The following CNTN5 variants were observed in gnomAD, a reference collection of about 807,000 sequenced individuals.
CNTN5 encodes contactin 5, also known as contactin-5.
Under a neutral mutation model 129.1 loss-of-function variants are expected in CNTN5, and 77 were observed. That is an observed-to-expected ratio of 0.60 (90% confidence interval 0.50 to 0.72). The LOEUF (loss-of-function observed/expected upper bound fraction) is 0.72, where lower values mean the gene tolerates loss of function less well. CNTN5 is among the 30% of genes least tolerant of loss of function. CNTN5 has a pLI of 0.00. For missense variants in CNTN5, 1,478 were observed against 1,328.8 expected, an observed-to-expected ratio of 1.11 and a Z score of -1.75; for synonymous variants, 509 against 465.6, an observed-to-expected ratio of 1.09 and a Z score of -1.20.
At chr11:99,599,190 T>C (rs893466043) in intron 3 of CNTN5, among the ~76,000 whole-genome samples, 5 of 152,080 alleles carry the variant, frequency 3.3e-5, no homozygotes, top group African/African-American at 1.2e-4. Context: ...TGTTTTTTTT[T>C]TAACATAAAA....
At chr11:99,273,011 A>G (rs1863246913) in intron 1 of CNTN5, among the ~76,000 whole-genome samples, 1 of 151,860 alleles carries the variant, frequency 6.6e-6, no homozygotes. Flanking sequence ...AAGCCTGTCT[A>G]AACAATTTTT....
At chr11:100,146,086 C>T (rs533036711) in intron 13 of CNTN5, among the ~76,000 whole-genome samples, 10 of 151,968 alleles carry the variant, frequency 6.6e-5, no homozygotes, top group Admixed American at 1.3e-4. Flanking sequence ...TAGTAAATAC[C>T]GCTGTATAAA....
At chr11:99,278,315 T>C (rs1158682292) in intron 1 of CNTN5, among the ~76,000 whole-genome samples, 1 of 151,666 alleles carries the variant, frequency 6.6e-6, no homozygotes, top group Admixed American at 6.6e-5. Context: ...TTAACAGATG[T>C]AGTCATGAGG....
chr11:100,297,573 A>G, intron 18 of CNTN5, 52 bp from the exon 19 acceptor site: 10 of 1,251,958 alleles, frequency 8.0e-6, no homozygotes, highest in East Asian at 2.6e-5. Flanking sequence ...ATTTTATCCA[A>G]CGTAGGTTGG....
At chr11:100,350,550 C>T (rs904561700) in intron 23 of CNTN5, among the ~76,000 whole-genome samples, 152 bp from the exon 24 acceptor site, 1 of 151,734 alleles carries the variant, frequency 6.6e-6, no homozygotes, top group Non-Finnish European at 1.5e-5. Flanking sequence ...TGTACTTCTA[C>T]TGCAGTAGAC....
intron 2 of CNTN5, among the ~76,000 whole-genome samples, chr11:99,437,525 A>G (rs1943647204): frequency 6.6e-6 from 1 of 152,194 alleles, no homozygotes; most frequent in African/African-American, 2.4e-5. Flanking sequence ...GTCATAAAAT[A>G]TATTAAAAGT....
Position 99,844,891 on chromosome 11 carries a change from A to G in CNTN5, c.317A>G (p.Asp106Gly), listed in dbSNP as rs202069039. 2.9e-5 allele frequency: 47 copies of G among 1,613,614 alleles called. No individual in the cohort carries two copies. The South Asian group carries it at 3.0e-4, about 10-fold the overall frequency. The change falls in exon 5 of 25, where the codon GAT (aspartate) becomes GGT (glycine). Residue 106 changes from aspartate to glycine, a missense_variant. By Grantham distance (94) the Asp-to-Gly change is moderately conservative. Transcript: ENST00000524871. The stretch of plus-strand genomic sequence containing the variant: ...GGGCCAGTTTTTGTGCAAGAACCAG[A>G]TGATATTATTTTTCCAACTGATTCT... The part of the protein sequence containing the change: ...DYGPVFVQEP[D>G]DIIFPTDSDE...
chr11:99,745,843 T>C (rs183598546), intron 3 of CNTN5, among the ~76,000 whole-genome samples: 2 of 152,140 alleles, frequency 1.3e-5, no homozygotes, highest in East Asian at 3.9e-4. Context: ...TTATAAATAG[T>C]AAGGAAGACA....
Position 99,832,524 on chromosome 11 carries a change from A to G in CNTN5, c.278-12328A>G, listed in dbSNP as rs141550809. Reference sequence around the variant, plus strand: ...GCTTGTTAATAAATCGTTCTCTTCAATTCTTAGAAATCCTTGAAGGTTTTA... The same window carrying G: ...GCTTGTTAATAAATCGTTCTCTTCAGTTCTTAGAAATCCTTGAAGGTTTTA... On this transcript the variant is annotated intron_variant, in intron 4 of 24. Coordinates refer to ENST00000524871, the MANE Select transcript of CNTN5 (RefSeq NM_014361.4). 4.6e-5 allele frequency among the ~76,000 whole-genome samples: 7 copies of G among 152,330 alleles called. No homozygotes were observed. The East Asian group carries it at 1.3e-3, about 29-fold the overall frequency.
chr11:99,433,250 G>T (rs187179783), intron 2 of CNTN5, among the ~76,000 whole-genome samples: 1 of 152,092 alleles, frequency 6.6e-6, no homozygotes, highest in East Asian at 1.9e-4. Flanking sequence ...TTAGAAGAAG[G>T]GAAGGTTTAG....
intron 4 of CNTN5, among the ~76,000 whole-genome samples, chr11:99,832,647 T>G (rs1436460356): frequency 6.6e-6 from 1 of 152,216 alleles, no homozygotes; most frequent in Non-Finnish European, 1.5e-5. Flanking sequence ...AGAATTCATC[T>G]AAGATACTTG....
At chr11:99,626,940 C>A (rs1304044632) in intron 3 of CNTN5, among the ~76,000 whole-genome samples, 5 of 152,010 alleles carry the variant, frequency 3.3e-5, no homozygotes, top group Admixed American at 1.3e-4. Context: ...AATTAAAGTA[C>A]CATTTCTCTG....
At chr11:99,363,729 TAGGAAAAC>T (rs1389417279) in intron 2 of CNTN5, among the ~76,000 whole-genome samples, 1 of 152,070 alleles carries the variant, frequency 6.6e-6, no homozygotes, top group Non-Finnish European at 1.5e-5. Flanking sequence ...ATCAGTAGGG[TAGGAAAAC>T]AGGACAGTGA....
chr11:99,507,018 AG>A (rs1210806374), intron 2 of CNTN5, among the ~76,000 whole-genome samples: 1 of 152,198 alleles, frequency 6.6e-6, no homozygotes, highest in Non-Finnish European at 1.5e-5. Context: ...AATGTTTTTC[AG>A]ATGTTTTAGT....
At chr11:99,709,237 G>C (rs1341568029) in intron 3 of CNTN5, among the ~76,000 whole-genome samples, 3 of 151,702 alleles carry the variant, frequency 2.0e-5, no homozygotes, top group Non-Finnish European at 4.4e-5. Flanking sequence ...AAATGTCTTT[G>C]TTTAAATGAA....
At chr11:99,220,986 A>C (rs951360639) in intron 1 of CNTN5, among the ~76,000 whole-genome samples, 40 of 152,114 alleles carry the variant, frequency 2.6e-4, no homozygotes, top group Non-Finnish European at 3.4e-4. Flanking sequence ...TATACAATTT[A>C]CAGATACTGT....
chr11:100,017,219 C>G (rs1485934305), intron 9 of CNTN5, among the ~76,000 whole-genome samples: 1 of 151,712 alleles, frequency 6.6e-6, no homozygotes, highest in African/African-American at 2.4e-5. Context: ...ACAACATTTC[C>G]AAAAGAAGAA....
At chr11:100,298,224 A>C (rs572764754) in intron 19 of CNTN5, among the ~76,000 whole-genome samples, 2 of 151,644 alleles carry the variant, frequency 1.3e-5, no homozygotes, top group South Asian at 2.1e-4. Context: ...CTCTAAGAAC[A>C]ATGAGAAAGT....
intron 3 of CNTN5, among the ~76,000 whole-genome samples, chr11:99,625,586 T>C (rs1238969062): frequency 1.3e-5 from 2 of 152,136 alleles, no homozygotes; most frequent in Admixed American, 6.6e-5. Context: ...CATTAAGATA[T>C]GTACATATTT....
Sources: gnomAD v4.1 joint callset for allele counts (sites outside exome capture counted in the v4.1 genomes callset) on GRCh38, gnomAD v4.1.1 for gene constraint, MANE v1.5 for transcripts, NCBI Gene and HGNC (gene_info 2026-07-23, HGNC 2026-07-21) for gene names.